The following HIF1AN variants were observed in gnomAD, a reference collection of about 807,000 sequenced individuals.
The protein encoded by HIF1AN is hypoxia inducible factor 1 subunit alpha inhibitor, also known as hypoxia-inducible factor 1-alpha inhibitor.
HIF1AN carries 21 observed loss-of-function variants against 47.7 expected under a neutral mutation model. That is an observed-to-expected ratio of 0.44 (90% CI 0.31 to 0.63). The LOEUF (loss-of-function observed/expected upper bound fraction) is 0.63. HIF1AN is among the 30% of genes least tolerant of loss of function. The pLI is 0.07. For missense variants in HIF1AN, 320 were observed against 432.7 expected, an observed-to-expected ratio of 0.74 and a Z score of 2.31; for synonymous variants, 152 against 155.9, an observed-to-expected ratio of 0.98 and a Z score of 0.18.
At chr10:100,539,951 T>A (rs1843006073) in intron 2 of HIF1AN, among the ~76,000 whole-genome samples, 1 of 152,112 alleles carries the variant, frequency 6.6e-6, no homozygotes, top group African/African-American at 2.4e-5. Flanking sequence ...GTGTGAAAGT[T>A]CTGGGTGTAT....
rs1412062034 is a variant in HIF1AN at position 100,550,093 on chromosome 10, G to C, written c.*1956G>C. On this transcript the variant is annotated 3_prime_UTR_variant, in exon 8 of 8. Coordinates refer to ENST00000299163, the MANE Select transcript of HIF1AN (RefSeq NM_017902.3). Reference sequence around the variant, plus strand: ...ACTTGGCCACAGTCACACTTGGAAAGATAGTAGATTATTTTCGTTCTCCTC... The same window carrying C: ...ACTTGGCCACAGTCACACTTGGAAACATAGTAGATTATTTTCGTTCTCCTC... The C allele has an allele frequency of 6.6e-6, 1 of 152,250 alleles. No homozygotes were observed. The highest frequency in any genetic ancestry group is 1.5e-5 in the Non-Finnish European group (1 of 68,048). The allele number at this position is 152,250 out of a possible 1,614,324, so 9.4% of individuals were successfully genotyped here. A position where few individuals can be genotyped will look rare whatever the true frequency, so the allele number is the denominator to read the frequency against.
rs541679769 is a variant in HIF1AN, at chr10:100,556,134, C to T, written c.*7997C>T. 1.2e-4 allele frequency: 19 copies of T among 152,324 alleles called. No homozygotes were observed. Among genetic ancestry groups the T allele is most frequent in the African/African-American group, 4.6e-4 (19 of 41,560 alleles). The allele number at this position is 152,324 out of a possible 1,614,324, so 9.4% of individuals were successfully genotyped here. A position where few individuals can be genotyped will look rare whatever the true frequency, so the allele number is the denominator to read the frequency against. The stretch of plus-strand genomic sequence containing the variant: ...TAAGTTCCTGTTTCTAGTCTCAGGG[C>T]ATATCTAGTTGTCAGCTCCTGAGCA... On this transcript the variant is annotated 3_prime_UTR_variant, in exon 8 of 8. Transcript: ENST00000299163.
Position 100,548,100 on chromosome 10 carries a change from C to T in HIF1AN, c.1013C>T (p.Pro338Leu). 1.2e-6 allele frequency: 2 copies of T among 1,613,294 alleles called. No homozygotes were observed. Among genetic ancestry groups the T allele is most frequent in the Non-Finnish European group, 1.7e-6 (2 of 1,179,714 alleles). The change falls in exon 8 of 8, where the codon CCC (proline) becomes CTC (leucine). Residue 338 changes from proline to leucine, a missense_variant. Pro to Leu is a moderately conservative substitution (Grantham distance 98). Coordinates refer to ENST00000299163, the MANE Select transcript of HIF1AN (RefSeq NM_017902.3). ...EALGNPQEVGPLLNTMIKGRY... is the reference protein window; with the variant it reads ...EALGNPQEVGLLLNTMIKGRY... ...CCTCATGTTTCTTTACAGGTGGGGCCCTTGTTGAACACAATGATCAAGGGC... is the reference window on the plus strand; with the variant it reads ...CCTCATGTTTCTTTACAGGTGGGGCTCTTGTTGAACACAATGATCAAGGGC...
rs919275414 is a variant in HIF1AN at position 100,551,624 on chromosome 10, CAG to C, written c.*3488_*3489del. 5 of 152,182 alleles carry C rather than the reference CAG, an allele frequency of 3.3e-5. No individual in the cohort carries two copies. Among genetic ancestry groups the C allele is most frequent in the Admixed American group, 3.3e-4 (5 of 15,276 alleles). The allele number at this position is 152,182 out of a possible 1,614,324, so 9.4% of individuals were successfully genotyped here. On this transcript the variant is annotated 3_prime_UTR_variant, in exon 8 of 8. Transcript: ENST00000299163. ...GTACAAGCTATAAGGCAAAGAATAA[CAG>C]TGGAAAAGTTTTGACATGTGTTTGC...
At chr10:100,541,851 T>C (rs115915508) in intron 3 of HIF1AN, among the ~76,000 whole-genome samples, 1,558 of 152,312 alleles carry the variant, frequency 0.01, 40 homozygotes, top group African/African-American at 0.035. Context: ...GCAAACACCA[T>C]AGAGTATAGT....
rs1843181105 is a variant in HIF1AN, at chr10:100,553,142, C to G, written c.*5005C>G. 1 of 152,452 alleles carries G rather than the reference C, an allele frequency of 6.6e-6. No individual in the cohort carries two copies. Among genetic ancestry groups the G allele is most frequent in the Non-Finnish European group, 1.5e-5 (1 of 68,324 alleles). 9.4% of individuals were successfully genotyped at this position (152,452 alleles called of 1,614,324 possible). ...TGAGGAGACTTTGTGAGAATGATGT[C>G]AGGCCCGGGAAGCTGGTGTGGAAGA... On this transcript the variant is annotated 3_prime_UTR_variant, in exon 8 of 8. Coordinates refer to ENST00000299163, the MANE Select transcript of HIF1AN (RefSeq NM_017902.3).
chr10:100,548,128 A>C lies in HIF1AN; in HGVS notation c.1041A>C (p.Arg347=), dbSNP rs1843112197. The change falls in exon 8 of 8, where the codon CGA becomes CGC. Residue 347 remains arginine (R), a synonymous_variant. Transcript: ENST00000299163. ...TGTTGAACACAATGATCAAGGGCCG[A>C]TACAACTAGCCTGCCAGGGGTCAAG... ...GPLLNTMIKG[R]YN The C allele has an allele frequency of 6.2e-7, 1 of 1,611,214 alleles. No homozygotes were observed. Among genetic ancestry groups the C allele is most frequent in the Non-Finnish European group, 8.5e-7 (1 of 1,178,538 alleles).
At position 100,536,679 on chromosome 10, in the gene HIF1AN, A is replaced by G; in HGVS notation, c.428+18A>G. ...GAAGAGAGGTAAATTCCGAAAGCTT[A>G]ATTTTCTGTTGGATTTAGGACACTC... On this transcript the variant is annotated intron_variant, in intron 2 of 7. Coordinates refer to ENST00000299163, the MANE Select transcript of HIF1AN (RefSeq NM_017902.3). 1 of 1,613,166 alleles carries G rather than the reference A, an allele frequency of 6.2e-7. No homozygotes were observed. Among genetic ancestry groups the G allele is most frequent in the Non-Finnish European group, 8.5e-7 (1 of 1,179,526 alleles).
At chr10:100,546,173 C>T (rs1486120210) in intron 5 of HIF1AN, 124 bp downstream of exon 5, 9 of 705,276 alleles carry the variant, frequency 1.3e-5, no homozygotes, top group Non-Finnish European at 2.2e-5. Flanking sequence ...GGAAGGTTGG[C>T]ATATCCAGAC....
Position 100,536,137 on chromosome 10 carries a change from TG to T in HIF1AN, c.177+8del, listed in dbSNP as rs781218525. ...GCAGAGGAGCTTATTGAGAATGAGG[TG>T]GGGGGCGGGGCCGCGTCTAAAGGGA... On this transcript the variant is annotated splice_donor_region_variant and intron_variant, in intron 1 of 7. Transcript: ENST00000299163. 1 of 1,588,054 alleles carries T rather than the reference TG, an allele frequency of 6.3e-7. No individual in the cohort carries two copies.
In HIF1AN at chr10:100,554,286, G is replaced by A. The variant is rs1843195078; in HGVS notation, c.*6149G>A. On this transcript the variant is annotated 3_prime_UTR_variant, in exon 8 of 8. Coordinates refer to ENST00000299163, the MANE Select transcript of HIF1AN (RefSeq NM_017902.3). ...CCTCACACCATGAAATGTAATAGCA[G>A]TCAAATCAGGCCCCTCTTGATTCAA... 1 of 152,134 alleles carries A rather than the reference G, an allele frequency of 6.6e-6. No homozygotes were observed. The highest frequency in any genetic ancestry group is 2.4e-5 in the African/African-American group (1 of 41,404). The allele number at this position is 152,134 out of a possible 1,614,324, so 9.4% of individuals were successfully genotyped here. A position where few individuals can be genotyped will look rare whatever the true frequency, so the allele number is the denominator to read the frequency against.
chr10:100,540,200 C>T (rs1260007580), intron 2 of HIF1AN, among the ~76,000 whole-genome samples: 1 of 150,832 alleles, frequency 6.6e-6, no homozygotes, highest in African/African-American at 2.4e-5. Context: ...TCTCACCCTC[C>T]TACTCTTTGG....
chr10:100,541,329 T>G (rs1361766890), intron 3 of HIF1AN, among the ~76,000 whole-genome samples: 1 of 152,184 alleles, frequency 6.6e-6, no homozygotes, highest in African/African-American at 2.4e-5. Flanking sequence ...AGTTTGAGGC[T>G]ACAGTGAACT....
At chr10:100,537,191 A>G (rs1331189248) in intron 2 of HIF1AN, among the ~76,000 whole-genome samples, 2 of 152,120 alleles carry the variant, frequency 1.3e-5, no homozygotes, top group Non-Finnish European at 2.9e-5. Context: ...ACAAAAAACC[A>G]TGGTGAGAGG....
chr10:100,545,306 A>G (rs1843083261), intron 4 of HIF1AN: 1 of 507,864 alleles, frequency 2.0e-6, no homozygotes, highest in Admixed American at 3.5e-5. Context: ...AACTAGCCCC[A>G]CAGAGCTAAT....
intron 1 of HIF1AN, 108 bp from the exon 2 acceptor site, chr10:100,536,303 C>A: frequency 7.1e-7 from 1 of 1,416,478 alleles, no homozygotes; most frequent in Non-Finnish European, 9.7e-7. Flanking sequence ...TGCTGATTAA[C>A]AGGAGAAATT....
chr10:100,546,809 G>A (rs1843098458), intron 6 of HIF1AN, among the ~76,000 whole-genome samples: 1 of 151,798 alleles, frequency 6.6e-6, no homozygotes, highest in African/African-American at 2.4e-5. Flanking sequence ...GCGTGATCTC[G>A]GCTCACTGCA....
chr10:100,536,660 A>G lies in HIF1AN; in HGVS notation c.427A>G (p.Arg143Gly). 1.2e-6 allele frequency: 2 copies of G among 1,613,696 alleles called. No individual in the cohort carries two copies. Among genetic ancestry groups the G allele is most frequent in the South Asian group, 2.2e-5 (2 of 91,064 alleles). The part of the protein sequence containing the change: ...QDIQQRGGEE[R>G]LYLQQTLNDT... ...TATACAGCAGCGAGGAGGGGAAGAGAGGTAAATTCCGAAAGCTTAATTTTC... is the reference window on the plus strand; with the variant it reads ...TATACAGCAGCGAGGAGGGGAAGAGGGGTAAATTCCGAAAGCTTAATTTTC... The change falls in exon 2 of 8, where the codon AGG becomes GGG. Residue 143 changes from arginine (R) to glycine (G), a missense_variant and splice_region_variant. Transcript: ENST00000299163.
chr10:100,554,141 C>G lies in HIF1AN; in HGVS notation c.*6004C>G, dbSNP rs1016400181. ...CTTCTGCCTGGGCAGCCAGACTTTA[C>G]TGCTGTACTACCAGCCCAGGGCCTT... On this transcript the variant is annotated 3_prime_UTR_variant, in exon 8 of 8. Transcript: ENST00000299163. 5 of 152,202 alleles carry G rather than the reference C, an allele frequency of 3.3e-5. No homozygotes were observed. Among genetic ancestry groups the G allele is most frequent in the Admixed American group, 3.3e-4 (5 of 15,272 alleles). The allele number at this position is 152,202 out of a possible 1,614,324, so 9.4% of individuals were successfully genotyped here.
Sources: allele counts gnomAD v4.1 joint callset (sites outside exome capture counted in the v4.1 genomes callset), GRCh38; gene constraint gnomAD v4.1.1; transcripts MANE v1.5; gene names NCBI Gene and HGNC (gene_info 2026-07-23, HGNC 2026-07-21).